Variants in SDK1 observed in about 807,000 individuals in gnomAD.
SDK1 encodes the protein sidekick cell adhesion molecule 1.
A neutral mutation model predicts 245.5 loss-of-function variants in SDK1; 157 were observed. That is an observed-to-expected ratio of 0.64 (90% CI 0.56 to 0.73). The LOEUF is 0.73. Ranked by LOEUF, SDK1 falls within the 30% of genes least tolerant of loss-of-function variation. The pLI, the probability that SDK1 is intolerant of heterozygous loss-of-function variation, is 0.00. For missense variants in SDK1, 3,583 were observed against 3,002.3 expected (o/e 1.19, Z -4.52); for synonymous variants, 1,647 against 1,278.5 (o/e 1.29, Z -6.15).
chr7:3,684,419 C>T (rs1209718121), intron 4 of SDK1, among the ~76,000 whole-genome samples: 3 of 152,174 alleles, frequency 2.0e-5, no homozygotes, highest in African/African-American at 4.8e-5. Context: ...GGAGAGGAGT[C>T]AGTGCTTCCC....
chr7:3,530,866 T>C (rs2128617871), intron 1 of SDK1, among the ~76,000 whole-genome samples: 1 of 152,342 alleles, frequency 6.6e-6, no homozygotes, highest in African/African-American at 2.4e-5. Flanking sequence ...TATTTCCCTA[T>C]GCATAAAAAC....
At position 3,637,037 on chromosome 7, in the gene SDK1, C is replaced by CT. The variant is rs202088327; in HGVS notation, c.459-1959dup. ...ATTAAAATTAAGTTGTTTTTTTAAG[C>CT]TTTTTTTTCCTGATGCAGAGAGAGA... On this transcript the variant is annotated intron_variant, in intron 2 of 44. Transcript: ENST00000404826. 4.1e-3 allele frequency among the ~76,000 whole-genome samples: 623 copies of CT among 150,212 alleles called. 4 individuals are homozygous for CT. The highest frequency in any genetic ancestry group is 0.014 in the African/African-American group (553 of 40,590).
chr7:3,916,058 G>C (rs1305974303), intron 5 of SDK1, among the ~76,000 whole-genome samples: 1 of 152,118 alleles, frequency 6.6e-6, no homozygotes, highest in Non-Finnish European at 1.5e-5. Flanking sequence ...AGAAACACAA[G>C]TCATAGTAGG....
At chr7:3,852,656 C>T (rs998910234) in intron 5 of SDK1, among the ~76,000 whole-genome samples, 2 of 142,424 alleles carry the variant, frequency 1.4e-5, no homozygotes, top group Non-Finnish European at 3.0e-5. Context: ...GAGGCTGAGG[C>T]AGGAGAATGG....
At chr7:4,015,612 A>G (rs960923217) in intron 16 of SDK1, among the ~76,000 whole-genome samples, 2 of 152,314 alleles carry the variant, frequency 1.3e-5, no homozygotes, top group African/African-American at 4.8e-5. Flanking sequence ...TGAGAATTGC[A>G]CGTGTACTTG....
intron 17 of SDK1, among the ~76,000 whole-genome samples, chr7:4,031,237 C>T (rs1787798813): frequency 6.6e-6 from 1 of 152,156 alleles, no homozygotes; most frequent in South Asian, 2.1e-4. Context: ...ATGCAGTTAT[C>T]AGATAAAATC....
intron 1 of SDK1, among the ~76,000 whole-genome samples, chr7:3,407,132 C>T (rs1485544525): frequency 6.6e-6 from 1 of 152,184 alleles, no homozygotes; most frequent in Non-Finnish European, 1.5e-5. Flanking sequence ...CTGCTCTGCA[C>T]TAATGATGCG....
intron 4 of SDK1, among the ~76,000 whole-genome samples, chr7:3,750,525 A>G (rs376205552): frequency 5.3e-5 from 8 of 152,170 alleles, no homozygotes; most frequent in African/African-American, 1.9e-4. Flanking sequence ...AGAGAGATTG[A>G]GAGGGATTGC....
chr7:3,369,044 T>C (rs1171992328), intron 1 of SDK1, among the ~76,000 whole-genome samples: 2 of 151,948 alleles, frequency 1.3e-5, no homozygotes, highest in African/African-American at 4.8e-5. Context: ...TCCTTTTCTT[T>C]TTTCTTTTTT....
chr7:3,322,141 C>G (rs1172156222), intron 1 of SDK1, among the ~76,000 whole-genome samples: 1 of 152,032 alleles, frequency 6.6e-6, no homozygotes, highest in Non-Finnish European at 1.5e-5. Flanking sequence ...TTTCATCCCC[C>G]ACCAAAGGAA....
chr7:4,169,857 C>G (rs1164225718), intron 32 of SDK1, among the ~76,000 whole-genome samples: 1 of 152,162 alleles, frequency 6.6e-6, no homozygotes, highest in Non-Finnish European at 1.5e-5. Context: ...TTAGAGCCAC[C>G]TCTTTGCAGT....
chr7:3,360,942 G>A (rs568232207), intron 1 of SDK1, among the ~76,000 whole-genome samples: 1 of 152,270 alleles, frequency 6.6e-6, no homozygotes, highest in Non-Finnish European at 1.5e-5. Flanking sequence ...TATTCAACAC[G>A]TTTGAATAGT....
chr7:3,680,007 G>A (rs1433785179), intron 4 of SDK1, among the ~76,000 whole-genome samples: 1 of 53,898 alleles, frequency 1.9e-5, no homozygotes, highest in Non-Finnish European at 4.8e-5. Flanking sequence ...ATTTATTTGA[G>A]ATTAGTAAAA....
At chr7:3,795,816 C>G (rs1488345413) in intron 4 of SDK1, among the ~76,000 whole-genome samples, 1 of 152,122 alleles carries the variant, frequency 6.6e-6, no homozygotes, top group African/African-American at 2.4e-5. Flanking sequence ...TTGTATTCTA[C>G]TTCGAGTCAA....
intron 13 of SDK1, among the ~76,000 whole-genome samples, chr7:3,982,288 C>A (rs1283280439): frequency 1.3e-5 from 2 of 152,172 alleles, no homozygotes; most frequent in South Asian, 4.1e-4. Context: ...GAAAATATTA[C>A]TGCTTATGGA....
chr7:3,465,679 T>C (rs748448064), intron 1 of SDK1, among the ~76,000 whole-genome samples: 23 of 152,186 alleles, frequency 1.5e-4, no homozygotes, highest in Non-Finnish European at 2.9e-4. Context: ...GCCTGTGTTC[T>C]CTTGTCACCT....
At chr7:3,534,189 A>C (rs371064156) in intron 1 of SDK1, among the ~76,000 whole-genome samples, 1 of 152,218 alleles carries the variant, frequency 6.6e-6, no homozygotes, top group East Asian at 1.9e-4. Flanking sequence ...CTCCCTGAGC[A>C]TAAGTCTCAA....
chr7:3,871,653 C>T (rs1366626038), intron 5 of SDK1, among the ~76,000 whole-genome samples: 1 of 152,162 alleles, frequency 6.6e-6, no homozygotes, highest in African/African-American at 2.4e-5. Context: ...AGGGCAAGAG[C>T]AGAAGCAAGT....
chr7:3,940,884 C>G (rs934402522), intron 5 of SDK1, among the ~76,000 whole-genome samples: 39 of 152,170 alleles, frequency 2.6e-4, no homozygotes, highest in Admixed American at 7.9e-4. Context: ...ATCTCCTGTG[C>G]TCACTCCTCA....
Sources: allele counts gnomAD v4.1 joint callset (sites outside exome capture counted in the v4.1 genomes callset), GRCh38; gene constraint gnomAD v4.1.1; transcripts MANE v1.5; gene names NCBI Gene and HGNC (gene_info 2026-07-23, HGNC 2026-07-21).